PRMT7: variants seen among roughly 807,000 people sequenced by gnomAD.
The protein encoded by PRMT7 is protein arginine N-methyltransferase 7.
In PRMT7, 75 loss-of-function variants were observed where a neutral mutation model predicts 85.4. That is an observed-to-expected ratio of 0.88 (90% CI 0.73 to 1.06). PRMT7 has a LOEUF of 1.06. PRMT7 is among the 50% of genes least tolerant of loss of function. PRMT7 has a pLI of 0.00. For synonymous variants in PRMT7, 397 were observed against 359.5 expected (o/e 1.10, Z -1.18); for missense variants, 868 against 915.2 (o/e 0.95, Z 0.67).
chr16:68,324,906 C>A (rs1002423040), intron 5 of PRMT7, 74 bp downstream of exon 5: 5 of 1,576,806 alleles, frequency 3.2e-6, no homozygotes, highest in Non-Finnish European at 4.3e-6. Context: ...CTTTCCCCGT[C>A]TGTTCCTTCA....
chr16:68,316,220 G>GGACCAACA, intron 3 of PRMT7, 146 bp downstream of exon 3: 4 of 675,228 alleles, frequency 5.9e-6, no homozygotes, highest in South Asian at 5.4e-5. Context: ...GGTCTGCTCA[G>GGACCAACA]CCAGGTAGGT....
At chr16:68,333,704 G>A (rs1758021447) in intron 6 of PRMT7, among the ~76,000 whole-genome samples, 1 of 152,070 alleles carries the variant, frequency 6.6e-6, no homozygotes, top group Non-Finnish European at 1.5e-5. Flanking sequence ...GAAGTATGCT[G>A]ACTCTGCCTC....
chr16:68,312,225 A>ATTTT (rs1411942990), intron 2 of PRMT7, 49 bp downstream of exon 2: 1 of 57,218 alleles, frequency 1.7e-5, no homozygotes, highest in Non-Finnish European at 3.6e-5. Context: ...ATATATATAT[A>ATTTT]TATATTTTTT....
chr16:68,339,618 G>T, intron 8 of PRMT7, 55 bp downstream of exon 8: 1 of 1,605,604 alleles, frequency 6.2e-7, no homozygotes, highest in Non-Finnish European at 8.5e-7. Flanking sequence ...TGGAAGTTGG[G>T]TATTAGGAGG....
intron 9 of PRMT7, 50 bp from the exon 10 acceptor site, chr16:68,345,625 C>T (rs747047095): frequency 6.2e-7 from 1 of 1,608,936 alleles, no homozygotes; most frequent in Non-Finnish European, 8.5e-7. Flanking sequence ...GGATTAGAAG[C>T]ATTGCTCATA....
intron 6 of PRMT7, 38 bp from the exon 7 acceptor site, chr16:68,337,421 G>T: frequency 1.4e-6 from 2 of 1,436,950 alleles, no homozygotes; most frequent in Non-Finnish European, 1.9e-6. Flanking sequence ...TTCCTAGTCT[G>T]TTGCTTATGT....
chr16:68,356,687 C>G lies in PRMT7; in HGVS notation c.1812-14C>G, dbSNP rs756000988. On this transcript the variant is annotated splice_polypyrimidine_tract_variant and intron_variant, in intron 17 of 18. Coordinates refer to ENST00000441236, the MANE Select transcript of PRMT7 (RefSeq NM_019023.5). ...TGTGTGACTACTTCTGCTGGGCCCC[C>G]CTCTCCTTGACAGGCCCGGGCAGAG... The G allele has an allele frequency of 7.5e-6, 12 of 1,606,132 alleles. No homozygotes were observed. Among genetic ancestry groups the G allele is most frequent in the Non-Finnish European group, 1.0e-5 (12 of 1,175,778 alleles).
At chr16:68,328,467 G>A (rs72792214) in intron 5 of PRMT7, 9,362 of 149,048 alleles carry the variant, frequency 0.063, 413 homozygotes, top group Non-Finnish European at 0.096. Context: ...TGTTGGGGTA[G>A]GTTTGCATAG....
At position 68,348,479 on chromosome 16, in the gene PRMT7, C is replaced by A; in HGVS notation, c.1413+48C>A. The A allele has an allele frequency of 2.0e-6, 3 of 1,472,254 alleles. No homozygotes were observed. The South Asian group carries it at 3.5e-5, about 17-fold the overall frequency. The allele number at this position is 1,472,254 out of a possible 1,614,324, so 91.2% of individuals were successfully genotyped here. The stretch of plus-strand genomic sequence containing the variant: ...CCACGCTGGGCTGTGTTAGGGTGGT[C>A]AGCACGGCACTGAAGTAGCCCAGGC... On this transcript the variant is annotated intron_variant, in intron 14 of 18. Coordinates refer to ENST00000441236, the MANE Select transcript of PRMT7 (RefSeq NM_019023.5).
rs751325288 is a variant in PRMT7 at position 68,353,485 on chromosome 16, C to T, written c.1576-7C>T. 8 of 1,610,090 alleles carry T rather than the reference C, an allele frequency of 5.0e-6. No homozygotes were observed. The South Asian group carries it at 8.9e-5, about 18-fold the overall frequency. ...CGGGTGTGGACGGGGCTGCTCCTTC[C>T]TCACAGGACCTGTGGCGGATCCGGA... On this transcript the variant is annotated splice_polypyrimidine_tract_variant and splice_region_variant and intron_variant, in intron 15 of 18. Transcript: ENST00000441236.
chr16:68,341,171 C>T (rs1194555077), intron 9 of PRMT7, among the ~76,000 whole-genome samples: 1 of 152,118 alleles, frequency 6.6e-6, no homozygotes, highest in Non-Finnish European at 1.5e-5. Flanking sequence ...CTCTCATGTG[C>T]TTGTGTTATT....
chr16:68,360,316 C>T (rs1057033443), downstream of PRMT7: 1 of 151,294 alleles, frequency 6.6e-6, no homozygotes, highest in Non-Finnish European at 1.5e-5. Context: ...ATCCCCCCCA[C>T]CCCCGTTTAT....
chr16:68,334,787 AT>A (rs891922960), intron 6 of PRMT7, among the ~76,000 whole-genome samples: 39 of 147,960 alleles, frequency 2.6e-4, no homozygotes, highest in East Asian at 7.9e-4. Flanking sequence ...TAAAGCTTGA[AT>A]TTTTTTTTTT....
At chr16:68,356,421 G>C (rs1286608682) in intron 17 of PRMT7, among the ~76,000 whole-genome samples, 1 of 152,258 alleles carries the variant, frequency 6.6e-6, no homozygotes, top group African/African-American at 2.4e-5. Context: ...TCAGTGCCAG[G>C]CTGTGCCTCA....
chr16:68,314,169 T>C (rs1485076480), intron 2 of PRMT7, among the ~76,000 whole-genome samples: 1 of 152,220 alleles, frequency 6.6e-6, no homozygotes, highest in Non-Finnish European at 1.5e-5. Flanking sequence ...ACAAATTGTC[T>C]ACTTTGAACC....
Position 68,329,122 on chromosome 16 carries a change from T to C in PRMT7, c.339T>C (p.Ser113=). The change falls in exon 6 of 19, where the codon AGT becomes AGC. Residue 113 remains serine (S), a synonymous_variant. Coordinates refer to ENST00000441236, the MANE Select transcript of PRMT7 (RefSeq NM_019023.5). ...AGATTGTGGAGAAAAATGGCTTTAGTGATAAGATTAAGGTTATCAACAAGC... is the reference window on the plus strand; with the variant it reads ...AGATTGTGGAGAAAAATGGCTTTAGCGATAAGATTAAGGTTATCAACAAGC... ...AVKIVEKNGF[S]DKIKVINKHS... 1.2e-6 allele frequency: 2 copies of C among 1,612,664 alleles called. No homozygotes were observed. The highest frequency in any genetic ancestry group is 1.7e-6 in the Non-Finnish European group (2 of 1,178,702).
chr16:68,353,660 G>T (rs1567744432), intron 16 of PRMT7, 94 bp downstream of exon 16: 1 of 1,217,578 alleles, frequency 8.2e-7, no homozygotes, highest in Non-Finnish European at 1.1e-6. Context: ...AGGCTCTTCT[G>T]TTGGGGGCAG....
At chr16:68,350,864 T>C (rs2151886434) in intron 14 of PRMT7, among the ~76,000 whole-genome samples, 1 of 152,374 alleles carries the variant, frequency 6.6e-6, no homozygotes, top group Non-Finnish European at 1.5e-5. Context: ...CTTCATGTTT[T>C]CGGGCTCATC....
At chr16:68,345,855 A>G (rs1044396434) in intron 10 of PRMT7, 53 bp downstream of exon 10, 1 of 1,608,406 alleles carries the variant, frequency 6.2e-7, no homozygotes, top group African/African-American at 1.3e-5. Context: ...TTGTATGTAA[A>G]TTCCCCATTT....
Sources: gnomAD v4.1 joint callset for allele counts (sites outside exome capture counted in the v4.1 genomes callset) on GRCh38, gnomAD v4.1.1 for gene constraint, MANE v1.5 for transcripts, NCBI Gene and HGNC (gene_info 2026-07-23, HGNC 2026-07-21) for gene names.